UBXN2A: variants seen among roughly 807,000 people sequenced by gnomAD.
The protein encoded by UBXN2A is UBX domain-containing protein 2A.
In UBXN2A, 28 loss-of-function variants were observed where a neutral mutation model predicts 28.4. That is an observed-to-expected ratio of 0.99 (90% CI 0.73 to 1.35). The LOEUF is 1.35. Among genes scored for constraint, UBXN2A ranks in the 40% most tolerant of loss-of-function variants. The pLI is 0.00. For synonymous variants in UBXN2A, 97 were observed against 103.6 expected (o/e 0.94, Z 0.39); for missense variants, 253 against 297.9 (o/e 0.85, Z 1.11).
intron 4 of UBXN2A, among the ~76,000 whole-genome samples, chr2:23,979,676 C>G (rs749321242): frequency 6.6e-6 from 1 of 152,088 alleles, no homozygotes; most frequent in Non-Finnish European, 1.5e-5. Context: ...TCAAGTGGTC[C>G]TCCTACCTCC....
chr2:23,955,182 C>T (rs541713383), intron 1 of UBXN2A, among the ~76,000 whole-genome samples: 6 of 152,070 alleles, frequency 3.9e-5, no homozygotes, highest in Non-Finnish European at 7.4e-5. Flanking sequence ...TCGCCCACCT[C>T]GGCCTCCCAA....
chr2:23,966,820 G>T (rs944839721), intron 2 of UBXN2A, among the ~76,000 whole-genome samples: 2 of 145,812 alleles, frequency 1.4e-5, no homozygotes, highest in African/African-American at 5.1e-5. Flanking sequence ...TGTTGCCCAG[G>T]CCTGGAGTAC....
intron 1 of UBXN2A, among the ~76,000 whole-genome samples, chr2:23,953,047 C>T: frequency 6.6e-6 from 1 of 150,992 alleles, no homozygotes. Flanking sequence ...TGTGGATACA[C>T]ATTGCTTTTC....
At chr2:23,976,923 C>G (rs770380483) in intron 3 of UBXN2A, 46 bp from the exon 4 acceptor site, 1 of 1,508,638 alleles carries the variant, frequency 6.6e-7, no homozygotes, top group Admixed American at 1.7e-5. Context: ...TTCAATCCTA[C>G]TACATTTTAT....
At chr2:23,941,293 G>T (rs1322358038) in intron 1 of UBXN2A, among the ~76,000 whole-genome samples, 1 of 152,240 alleles carries the variant, frequency 6.6e-6, no homozygotes, top group Admixed American at 6.5e-5. Flanking sequence ...AGAAAATAAT[G>T]TGGTAGTATG....
chr2:23,932,094 C>T (rs12621445), intron 1 of UBXN2A, among the ~76,000 whole-genome samples: 15,613 of 151,546 alleles, frequency 0.1, 918 homozygotes, highest in Middle Eastern at 0.17. Flanking sequence ...CTGAGGCAGG[C>T]GGATCATGAG....
intron 4 of UBXN2A, 134 bp downstream of exon 4, chr2:23,977,209 GAA>G: frequency 1.7e-6 from 1 of 593,746 alleles, no homozygotes; most frequent in Non-Finnish European, 2.9e-6. Context: ...CTTAAAAAAA[GAA>G]AATTACCAGC....
At chr2:23,954,658 A>G (rs923296971) in intron 1 of UBXN2A, among the ~76,000 whole-genome samples, 3 of 151,434 alleles carry the variant, frequency 2.0e-5, no homozygotes, top group African/African-American at 7.3e-5. Context: ...CCTAGGAACT[A>G]TTGATTTTGA....
chr2:23,993,766 C>T (rs1708436361), intron 6 of UBXN2A, among the ~76,000 whole-genome samples: 1 of 150,800 alleles, frequency 6.6e-6, no homozygotes. Flanking sequence ...CAGCACACTG[C>T]GACCTCTGCC....
At chr2:23,964,509 T>C (rs1707083942) in intron 2 of UBXN2A, among the ~76,000 whole-genome samples, 1 of 152,218 alleles carries the variant, frequency 6.6e-6, no homozygotes, top group Non-Finnish European at 1.5e-5. Flanking sequence ...CACGCTCGGC[T>C]ATTCAGTCTT....
At chr2:23,984,539 A>T in intron 5 of UBXN2A, 134 bp from the exon 6 acceptor site, 1 of 671,136 alleles carries the variant, frequency 1.5e-6, no homozygotes, top group Non-Finnish European at 2.2e-6. Flanking sequence ...TTCTGTTATT[A>T]CTGAAGAAAC....
chr2:23,935,501 CTA>C (rs1705497510), upstream of UBXN2A, among the ~76,000 whole-genome samples: 1 of 152,170 alleles, frequency 6.6e-6, no homozygotes, highest in Non-Finnish European at 1.5e-5. Flanking sequence ...TTCAGCATCA[CTA>C]GTCATCAGAG....
intron 2 of UBXN2A, 28 bp downstream of exon 2, chr2:23,958,383 G>A (rs112097545): frequency 6.3e-7 from 1 of 1,579,440 alleles, no homozygotes; most frequent in African/African-American, 1.4e-5. Flanking sequence ...GAATTGCTTT[G>A]TTAATGCCTT....
intron 1 of UBXN2A, among the ~76,000 whole-genome samples, chr2:23,947,967 G>T (rs1345110519): frequency 3.3e-5 from 5 of 151,828 alleles, no homozygotes; most frequent in African/African-American, 1.2e-4. Context: ...TGATTCTCCT[G>T]CCTCAGCCTC....
rs1708679979 is a variant in UBXN2A, at chr2:23,999,936, G to A, written c.*69G>A. On this transcript the variant is annotated 3_prime_UTR_variant, in exon 7 of 7. Coordinates refer to ENST00000309033, the MANE Select transcript of UBXN2A (RefSeq NM_181713.4). ...GTAAGTGGACATGCAAACCAAAATT[G>A]GGGATTGGAGAAGTCAGACTCACTA... is the stretch of plus-strand genomic sequence containing the variant. The A allele has an allele frequency of 9.9e-6, 15 of 1,518,108 alleles. No individual in the cohort carries two copies. Among genetic ancestry groups the A allele is most frequent in the Admixed American group, 1.9e-5 (1 of 51,720 alleles). 94.0% of individuals were successfully genotyped at this position (1,518,108 alleles called of 1,614,324 possible). A position where few individuals can be genotyped will look rare whatever the true frequency, so the allele number is the denominator to read the frequency against.
At chr2:23,943,157 G>C (rs1411014376) in intron 1 of UBXN2A, among the ~76,000 whole-genome samples, 1 of 151,888 alleles carries the variant, frequency 6.6e-6, no homozygotes, top group East Asian at 1.9e-4. Flanking sequence ...GGGTTTCACT[G>C]TGTTGGCCAG....
chr2:23,928,626 A>C (rs1304860110), intron 1 of UBXN2A, among the ~76,000 whole-genome samples: 1 of 152,148 alleles, frequency 6.6e-6, no homozygotes, highest in African/African-American at 2.4e-5. Context: ...CCTACTGTTT[A>C]TTGGGCAGGA....
rs545266862 is a variant in UBXN2A at position 23,964,754 on chromosome 2, G to C, written c.41+6399G>C. Among the ~76,000 whole-genome samples, 12 of 152,244 alleles carry C rather than the reference G, an allele frequency of 7.9e-5. No homozygotes were observed. In the East Asian group the frequency reaches 2.3e-3, roughly 29 times the overall value. ...GTTAAGAGGTTAGGTCTCATTTTAA[G>C]TGTTCTTACCATGATAAAATAAAAA... On this transcript the variant is annotated intron_variant, in intron 2 of 6. Coordinates refer to ENST00000309033, the MANE Select transcript of UBXN2A (RefSeq NM_181713.4).
intron 3 of UBXN2A, among the ~76,000 whole-genome samples, chr2:23,974,088 C>T (rs1330638892): frequency 1.4e-5 from 2 of 148,106 alleles, no homozygotes; most frequent in Non-Finnish European, 3.0e-5. Flanking sequence ...GATCTCGGCT[C>T]ACTGCAAGCT....
Sources: gnomAD v4.1 joint callset for allele counts (sites outside exome capture counted in the v4.1 genomes callset) on GRCh38, gnomAD v4.1.1 for gene constraint, MANE v1.5 for transcripts, NCBI Gene and HGNC (gene_info 2026-07-23, HGNC 2026-07-21) for gene names.